WDPCP: variants seen among roughly 807,000 people sequenced by gnomAD.
The protein encoded by WDPCP is WD repeat-containing and planar cell polarity effector protein fritz homolog.
WDPCP carries 71 observed loss-of-function variants against 93.1 expected under a neutral mutation model. That is an observed-to-expected ratio of 0.76 (90% CI 0.63 to 0.93). WDPCP has a LOEUF of 0.93. Ranked by LOEUF, WDPCP falls within the 40% of genes least tolerant of loss-of-function variation. WDPCP has a pLI of 0.00. For missense variants in WDPCP, 844 were observed against 887.4 expected (o/e 0.95, Z 0.62); for synonymous variants, 315 against 315.0 (o/e 1.00, Z 0.00).
chr2:63,411,165 A>C (rs1195418073), intron 9 of WDPCP, among the ~76,000 whole-genome samples: 2 of 152,166 alleles, frequency 1.3e-5, no homozygotes, highest in African/African-American at 4.8e-5. Flanking sequence ...AAATTGAAGA[A>C]AATTGAAATA....
intron 1 of WDPCP, among the ~76,000 whole-genome samples, chr2:63,500,670 AACTT>A (rs1329128733): frequency 1.6e-4 from 24 of 152,180 alleles, no homozygotes; most frequent in Non-Finnish European, 5.9e-5. Context: ...TGCTATGACA[AACTT>A]ACTCCAAATC....
intron 15 of WDPCP, among the ~76,000 whole-genome samples, chr2:63,156,962 T>A (rs1190420408): frequency 6.6e-6 from 1 of 152,050 alleles, no homozygotes; most frequent in East Asian, 1.9e-4. Flanking sequence ...TCAAGTAGGA[T>A]AATAGCTGTA....
At chr2:63,609,286 GA>G (rs1178655698) in intron 3 of WDPCP, among the ~76,000 whole-genome samples, 1 of 151,804 alleles carries the variant, frequency 6.6e-6, no homozygotes, top group African/African-American at 2.4e-5. Context: ...AGAATCACCT[GA>G]ACCTGGGAGG....
In WDPCP at chr2:63,408,895, C is replaced by A. The variant is rs574248204; in HGVS notation, c.826-4238G>T. ...ATCCCCCACAGCAGCCACAGCAACA[C>A]CCACCCAAGGAGAGTCTGAGCTCAG... On this transcript the variant is annotated intron_variant, in intron 9 of 17. Transcript: ENST00000272321. Among the ~76,000 whole-genome samples the A allele has an allele frequency of 6.6e-5, 10 of 152,258 alleles. No individual in the cohort carries two copies. In the South Asian group the frequency reaches 1.7e-3, roughly 25 times the overall value.
rs1470915016 is a variant in WDPCP at position 63,605,565 on chromosome 2, T to C, written n.488+45094A>G. On this transcript the variant is annotated intron_variant and non_coding_transcript_variant, in intron 3 of 4. Coordinates refer to the WDPCP transcript ENST00000467687. ...GTTAGCCTTGACCTTTCTGAGCTGT[T>C]TTGTCATCTTTTACATGACATTACT... Among the ~76,000 whole-genome samples, 10 of 152,272 alleles carry C rather than the reference T, an allele frequency of 6.6e-5. No homozygotes were observed. In the East Asian group the frequency reaches 1.2e-3, roughly 18 times the overall value.
intron 2 of WDPCP, among the ~76,000 whole-genome samples, chr2:63,720,078 G>A (rs1359932306): frequency 1.3e-5 from 2 of 151,826 alleles, no homozygotes; most frequent in African/African-American, 4.8e-5. Flanking sequence ...CATTACTAAA[G>A]AACAAAAAAT....
chr2:63,296,420 A>G (rs1684861989), intron 13 of WDPCP, among the ~76,000 whole-genome samples: 1 of 152,190 alleles, frequency 6.6e-6, no homozygotes, highest in South Asian at 2.1e-4. Context: ...CTACTATTCA[A>G]CATAATACTG....
chr2:63,265,460 TCTA>T (rs1682025309), intron 13 of WDPCP, among the ~76,000 whole-genome samples: 2 of 152,012 alleles, frequency 1.3e-5, no homozygotes, highest in Non-Finnish European at 2.9e-5. Context: ...AAACATGCAG[TCTA>T]CTAAGTCAGG....
intron 8 of WDPCP, among the ~76,000 whole-genome samples, chr2:63,435,275 C>A (rs1341508154): frequency 6.6e-6 from 1 of 151,998 alleles, no homozygotes; most frequent in Non-Finnish European, 1.5e-5. Flanking sequence ...AAAATTATGT[C>A]AATCTGAAAG....
At chr2:63,362,258 C>CTTTTTTTTTTTT (rs67493046) in intron 12 of WDPCP, among the ~76,000 whole-genome samples, 1 of 93,272 alleles carries the variant, frequency 1.1e-5, no homozygotes, top group African/African-American at 4.5e-5. Flanking sequence ...GGTAGAATCC[C>CTTTTTTTTTTTT]TTTTTTTTTT....
intron 12 of WDPCP, among the ~76,000 whole-genome samples, chr2:63,358,862 A>T (rs545475710): frequency 6.6e-6 from 1 of 152,280 alleles, no homozygotes; most frequent in African/African-American, 2.4e-5. Context: ...TAAATCCCCA[A>T]AATTTCTATA....
intron 2 of WDPCP, among the ~76,000 whole-genome samples, chr2:63,662,872 T>C (rs1361320582): frequency 6.6e-6 from 1 of 152,226 alleles, no homozygotes; most frequent in African/African-American, 2.4e-5. Context: ...AAAATATTCA[T>C]GGAGAATTGC....
At chr2:63,168,217 A>G (rs543271579) in intron 15 of WDPCP, among the ~76,000 whole-genome samples, 52 of 150,588 alleles carry the variant, frequency 3.5e-4, no homozygotes, top group African/African-American at 1.1e-3. Context: ...GGTGACTTCT[A>G]TATTATTTGT....
At chr2:63,252,161 C>G (rs959297229) in intron 14 of WDPCP, among the ~76,000 whole-genome samples, 2 of 152,248 alleles carry the variant, frequency 1.3e-5, no homozygotes, top group South Asian at 4.1e-4. Context: ...TGATTCACCA[C>G]ATGAACAGAA....
intron 2 of WDPCP, among the ~76,000 whole-genome samples, chr2:63,808,562 T>G (rs1670807277): frequency 6.6e-6 from 1 of 152,232 alleles, no homozygotes; most frequent in Non-Finnish European, 1.5e-5. Flanking sequence ...CGGGCTGGTC[T>G]CCAGCTCCTA....
chr2:63,140,186 A>G (rs756689580), intron 17 of WDPCP, among the ~76,000 whole-genome samples: 6 of 152,078 alleles, frequency 3.9e-5, no homozygotes, highest in Non-Finnish European at 5.9e-5. Flanking sequence ...CTATTTTTAT[A>G]CCAGTACCAT....
At chr2:63,277,288 C>T (rs538839014) in intron 13 of WDPCP, among the ~76,000 whole-genome samples, 1 of 152,234 alleles carries the variant, frequency 6.6e-6, no homozygotes, top group African/African-American at 2.4e-5. Context: ...TAAAGCATGA[C>T]TCTCAGAGGA....
chr2:63,234,047 T>C (rs1402590298), intron 14 of WDPCP, among the ~76,000 whole-genome samples: 7 of 152,166 alleles, frequency 4.6e-5, no homozygotes, highest in East Asian at 1.9e-4. Flanking sequence ...ATGGGTAAAA[T>C]AGATATGTTG....
At chr2:63,665,224 C>G (rs1710268877) in intron 2 of WDPCP, among the ~76,000 whole-genome samples, 1 of 152,106 alleles carries the variant, frequency 6.6e-6, no homozygotes, top group South Asian at 2.1e-4. Context: ...GGTTAGAAGT[C>G]CAAGATCAAG....
Sources: allele counts gnomAD v4.1 joint callset (sites outside exome capture counted in the v4.1 genomes callset), GRCh38; gene constraint gnomAD v4.1.1; transcripts MANE v1.5; gene names NCBI Gene and HGNC (gene_info 2026-07-23, HGNC 2026-07-21).